The following IGSF11 variants were observed in gnomAD, a reference collection of about 807,000 sequenced individuals.
IGSF11 encodes the protein CXADR like 1.
Under a neutral mutation model 41.0 loss-of-function variants are expected in IGSF11, and 22 were observed. The observed-to-expected ratio is 0.54, with a 90% CI of 0.38 to 0.77. The LOEUF is 0.77. IGSF11 is among the 30% of genes least tolerant of loss of function. The pLI is 0.00. For missense variants in IGSF11, 444 were observed against 530.8 expected, an observed-to-expected ratio of 0.84 and a Z score of 1.61; for synonymous variants, 219 against 201.3, an observed-to-expected ratio of 1.09 and a Z score of -0.74.
At chr3:118,925,798 T>G (rs1942236548) in intron 4 of IGSF11, 2 of 167,122 alleles carry the variant, frequency 1.2e-5, no homozygotes, top group Non-Finnish European at 2.6e-5. Flanking sequence ...CAGATATAAA[T>G]TTCAAGGATT....
intron 1 of IGSF11, among the ~76,000 whole-genome samples, chr3:119,110,906 T>C (rs1277866152): frequency 6.6e-6 from 1 of 151,888 alleles, no homozygotes; most frequent in African/African-American, 2.4e-5. Context: ...TTTAAGAATG[T>C]TGAATATTGG....
upstream of IGSF11, among the ~76,000 whole-genome samples, chr3:119,108,597 T>G (rs1399779209): frequency 7.4e-6 from 1 of 134,860 alleles, no homozygotes; most frequent in African/African-American, 2.7e-5. Flanking sequence ...TCCTGCCTGA[T>G]TGCCCTGGCC....
chr3:119,107,396 T>C (rs1170223459), upstream of IGSF11, among the ~76,000 whole-genome samples: 1 of 152,258 alleles, frequency 6.6e-6, no homozygotes, highest in East Asian at 1.9e-4. Flanking sequence ...TTTTGAGAAG[T>C]GTCTGTTCAT....
At chr3:119,097,954 CTAATT>C (rs2076880454) in intron 1 of IGSF11, among the ~76,000 whole-genome samples, 1 of 89,052 alleles carries the variant, frequency 1.1e-5, no homozygotes, top group African/African-American at 3.8e-5. Context: ...CCACATTCAG[CTAATT>C]TTTTTTTTTT....
intron 1 of IGSF11, among the ~76,000 whole-genome samples, chr3:118,984,727 T>A (rs1017356025): frequency 3.3e-5 from 5 of 151,906 alleles, no homozygotes; most frequent in African/African-American, 1.2e-4. Context: ...ATCAAGAACA[T>A]CCAAGAATAT....
At chr3:119,144,369 G>A (rs998492255) in intron 1 of IGSF11, among the ~76,000 whole-genome samples, 6 of 152,108 alleles carry the variant, frequency 3.9e-5, no homozygotes, top group Non-Finnish European at 8.8e-5. Context: ...TCTTTCCATG[G>A]AATATTCTCC....
chr3:119,120,322 C>T (rs565606377), intron 1 of IGSF11, among the ~76,000 whole-genome samples: 1 of 152,330 alleles, frequency 6.6e-6, no homozygotes, highest in Non-Finnish European at 1.5e-5. Flanking sequence ...CCATACACTA[C>T]AACACAGCAA....
chr3:118,980,909 C>T (rs576200308), intron 1 of IGSF11, among the ~76,000 whole-genome samples: 1 of 152,114 alleles, frequency 6.6e-6, no homozygotes, highest in Non-Finnish European at 1.5e-5. Flanking sequence ...CTAAGAAGTA[C>T]ATTTTAAGAA....
At chr3:118,990,473 G>C (rs1935686165) in intron 1 of IGSF11, among the ~76,000 whole-genome samples, 1 of 152,186 alleles carries the variant, frequency 6.6e-6, no homozygotes, top group South Asian at 2.1e-4. Context: ...GGGGAGATCA[G>C]TAAACATAAA....
chr3:118,998,474 G>GT (rs1482252574), intron 1 of IGSF11, among the ~76,000 whole-genome samples: 1 of 151,638 alleles, frequency 6.6e-6, no homozygotes, highest in African/African-American at 2.4e-5. Context: ...AAATCCATTG[G>GT]GGGGGAAAAA....
intron 1 of IGSF11, among the ~76,000 whole-genome samples, chr3:119,073,703 G>A (rs2076442984): frequency 1.3e-5 from 2 of 152,198 alleles, no homozygotes; most frequent in South Asian, 4.1e-4. Flanking sequence ...CAAGTGTGGG[G>A]CCACTGAGCC....
intron 1 of IGSF11, among the ~76,000 whole-genome samples, chr3:119,050,153 C>T (rs199846361): frequency 0.17 from 24,305 of 147,224 alleles, 2,357 homozygotes; most frequent in Non-Finnish European, 0.23. Context: ...ACAAATGGGA[C>T]CTAATTAAAC....
chr3:119,068,955 C>T (rs985760135), intron 1 of IGSF11, among the ~76,000 whole-genome samples: 2 of 108,974 alleles, frequency 1.8e-5, no homozygotes, highest in Non-Finnish European at 1.7e-5. Flanking sequence ...GAGATGGAGT[C>T]TTGCTCTGTC....
intron 1 of IGSF11, among the ~76,000 whole-genome samples, chr3:119,140,048 C>T (rs1343995929): frequency 2.6e-5 from 4 of 151,922 alleles, no homozygotes; most frequent in Non-Finnish European, 4.4e-5. Flanking sequence ...TTAAAAGGTA[C>T]ACTAGGAAAT....
chr3:119,067,568 T>A (rs1485315941), intron 1 of IGSF11, among the ~76,000 whole-genome samples: 1 of 152,260 alleles, frequency 6.6e-6, no homozygotes, highest in Non-Finnish European at 1.5e-5. Context: ...TTAGAAGCTT[T>A]CAGCTTAGCT....
At position 118,987,608 on chromosome 3, in the gene IGSF11, C is replaced by T. The variant is rs148874506; in HGVS notation, c.52+46923G>A. On this transcript the variant is annotated intron_variant, in intron 1 of 6. Transcript: ENST00000393775. ...ATCACTCAGAGAGTTAAAAGGGCTA[C>T]GATTCAGGGACACCAGGCAAAGAGC... Among the ~76,000 whole-genome samples, 349 of 152,254 alleles carry T rather than the reference C, an allele frequency of 2.3e-3. 3 individuals carry two copies. Among genetic ancestry groups the T allele is most frequent in the African/African-American group, 7.9e-3 (330 of 41,552 alleles).
rs1349971935 is a variant in IGSF11, at chr3:119,087,403, T to TACAC, written c.49+17737_49+17740dup. 3.3e-3 allele frequency among the ~76,000 whole-genome samples: 378 copies of TACAC among 113,836 alleles called. 2 individuals carry two copies. Among genetic ancestry groups the TACAC allele is most frequent in the Middle Eastern group, 9.1e-3 (2 of 220 alleles). The allele number at this position is 113,836 out of a possible 152,430, so 74.7% of individuals were successfully genotyped here. ...ACACACACACACACACACACACACA[T>TACAC]ACACACACACACACACACACCATAG... On this transcript the variant is annotated intron_variant, in intron 1 of 6. Transcript: ENST00000354673.
chr3:119,063,473 T>G (rs1326734613), intron 1 of IGSF11, among the ~76,000 whole-genome samples: 15 of 152,208 alleles, frequency 9.9e-5, no homozygotes. Flanking sequence ...TTTTTTGTTA[T>G]GTTTTGTTTT....
intron 4 of IGSF11, among the ~76,000 whole-genome samples, chr3:118,916,953 T>G (rs1179158952): frequency 6.6e-6 from 1 of 152,088 alleles, no homozygotes; most frequent in African/African-American, 2.4e-5. Context: ...ATTAAGAATC[T>G]CACTCAAAAC....
Sources: allele counts gnomAD v4.1 joint callset (sites outside exome capture counted in the v4.1 genomes callset), GRCh38; gene constraint gnomAD v4.1.1; transcripts MANE v1.5; gene names NCBI Gene and HGNC (gene_info 2026-07-23, HGNC 2026-07-21).